FBXO25: variants seen among roughly 807,000 people sequenced by gnomAD.
FBXO25 encodes the protein F-box only protein 25.
A neutral mutation model predicts 51.9 loss-of-function variants in FBXO25; 45 were observed. The observed-to-expected ratio is 0.87, with a 90% CI of 0.68 to 1.11. The LOEUF is 1.11. FBXO25 is among the 50% of genes most tolerant of loss of function. The pLI is 0.00. For missense variants in FBXO25, 507 were observed against 428.5 expected, an observed-to-expected ratio of 1.18 and a Z score of -1.62; for synonymous variants, 199 against 151.0, an observed-to-expected ratio of 1.32 and a Z score of -2.33.
chr8:436,055 T>C (rs1359642061), intron 5 of FBXO25, among the ~76,000 whole-genome samples: 3 of 152,210 alleles, frequency 2.0e-5, no homozygotes, highest in African/African-American at 7.2e-5. Flanking sequence ...ACCTGATGAT[T>C]TCACAAATGT....
In FBXO25 at chr8:470,474, C is replaced by CAG. The variant is rs1800444502; in HGVS notation, c.*1670_*1671insAG. ...AGGCTCAAGTGATCCTCCCACCTCA[C>CAG]CCTCCAGTGATCCTCCCACCTCAGC... On this transcript the variant is annotated 3_prime_UTR_variant, in exon 10 of 10. Transcript: ENST00000350302. 8.2e-6 allele frequency: 1 copy of CAG among 121,838 alleles called. No individual in the cohort carries two copies. The highest frequency in any genetic ancestry group is 1.9e-5 in the Non-Finnish European group (1 of 53,124). The allele number at this position is 121,838 out of a possible 1,614,324, so 7.5% of individuals were successfully genotyped here. A position where few individuals can be genotyped will look rare whatever the true frequency, so the allele number is the denominator to read the frequency against.
chr8:412,320 T>G (rs1239754214), intron 1 of FBXO25, among the ~76,000 whole-genome samples: 2 of 152,190 alleles, frequency 1.3e-5, no homozygotes, highest in Non-Finnish European at 2.9e-5. Context: ...CTCCTCACGT[T>G]TCCAGACAGT....
chr8:451,420 G>A lies in FBXO25; in HGVS notation c.627G>A (p.Trp209Ter). The A allele has an allele frequency of 6.2e-7, 1 of 1,613,786 alleles. No individual in the cohort carries two copies. The highest frequency in any genetic ancestry group is 8.5e-7 in the Non-Finnish European group (1 of 1,179,912). The change falls in exon 7 of 10, where the codon TGG becomes TGA. Residue 209 changes from tryptophan (W) to a stop codon, truncating the protein, a stop_gained. Transcript: ENST00000350302. LOFTEE classifies it high-confidence loss of function. ...WICRLETILAWQQQLQDLQMT... is the reference protein window; with the variant it reads ...WICRLETILA The stretch of plus-strand genomic sequence containing the variant: ...GCCGATTAGAAACTATTCTCGCCTG[G>A]CAACAACAGCTACAGGATCTTCAGA...
intron 6 of FBXO25, among the ~76,000 whole-genome samples, chr8:450,346 C>T (rs1267044339): frequency 6.6e-6 from 1 of 151,730 alleles, no homozygotes; most frequent in Non-Finnish European, 1.5e-5. Flanking sequence ...AGCTATTTTA[C>T]TTTTTCATGG....
chr8:464,063 G>A (rs1799992483), intron 9 of FBXO25, among the ~76,000 whole-genome samples: 1 of 152,074 alleles, frequency 6.6e-6, no homozygotes, highest in Non-Finnish European at 1.5e-5. Context: ...CCGACTTCTG[G>A]GCTCAAGTGA....
intron 4 of FBXO25, 21 bp downstream of exon 4, chr8:432,956 A>G: frequency 1.3e-6 from 2 of 1,545,766 alleles, no homozygotes; most frequent in South Asian, 2.5e-5. Context: ...TATTATAAAT[A>G]TGAGAGTATC....
At chr8:443,606 T>C (rs934633781) in intron 5 of FBXO25, among the ~76,000 whole-genome samples, 3 of 150,890 alleles carry the variant, frequency 2.0e-5, no homozygotes, top group African/African-American at 7.4e-5. Context: ...TTGTGAGCTG[T>C]AGGAGGGGCG....
intron 2 of FBXO25, among the ~76,000 whole-genome samples, chr8:421,280 C>T (rs750000264): frequency 4.6e-5 from 7 of 152,218 alleles, no homozygotes; most frequent in Non-Finnish European, 7.3e-5. Flanking sequence ...CCCCCCTCCT[C>T]GCCCCAGTCT....
chr8:411,161 A>T (rs181119576), intron 1 of FBXO25, among the ~76,000 whole-genome samples: 35 of 152,340 alleles, frequency 2.3e-4, no homozygotes, highest in African/African-American at 7.2e-4. Context: ...TCTGTTCGGG[A>T]CGTGAAATTA....
chr8:467,587 T>C, intron 9 of FBXO25: 1 of 904,012 alleles, frequency 1.1e-6, no homozygotes, highest in Non-Finnish European at 1.7e-6. Context: ...CTGATGTTTT[T>C]AGTTATTTTC....
intron 2 of FBXO25, among the ~76,000 whole-genome samples, chr8:429,158 A>G (rs927596133): frequency 2.2e-4 from 34 of 152,186 alleles, no homozygotes; most frequent in Non-Finnish European, 1.5e-5. Flanking sequence ...ATTCCCACCA[A>G]CATTGCACGA....
intron 9 of FBXO25, chr8:468,151 T>G: frequency 3.9e-6 from 4 of 1,029,422 alleles, no homozygotes; most frequent in Non-Finnish European, 4.7e-6. Flanking sequence ...TCGTCACTTC[T>G]CATATTAAAT....
intron 5 of FBXO25, among the ~76,000 whole-genome samples, chr8:445,469 A>T (rs1458875373): frequency 6.6e-6 from 1 of 152,232 alleles, no homozygotes; most frequent in African/African-American, 2.4e-5. Context: ...TGAGGACCCC[A>T]AAGAGATTTT....
chr8:408,575 T>C (rs530257790), intron 1 of FBXO25, among the ~76,000 whole-genome samples: 82 of 152,236 alleles, frequency 5.4e-4, no homozygotes, highest in Non-Finnish European at 1.0e-3. Flanking sequence ...AGACAACATA[T>C]GTAGATTGTT....
At position 470,201 on chromosome 8, in the gene FBXO25, G is replaced by C. The variant is rs1249796736; in HGVS notation, c.*1397G>C. 6.6e-6 allele frequency: 1 copy of C among 152,114 alleles called. No homozygotes were observed. The highest frequency in any genetic ancestry group is 1.5e-5 in the Non-Finnish European group (1 of 68,036). 9.4% of individuals were successfully genotyped at this position (152,114 alleles called of 1,614,324 possible). A position where few individuals can be genotyped will look rare whatever the true frequency, so the allele number is the denominator to read the frequency against. On this transcript the variant is annotated 3_prime_UTR_variant, in exon 10 of 10. Coordinates refer to ENST00000350302, the MANE Select transcript of FBXO25 (RefSeq NM_183420.2). ...TTCATCACAACATATTGGGGTTCCT[G>C]AGTGTCTCGCCGTTAGCATCAATAA...
intron 8 of FBXO25, among the ~76,000 whole-genome samples, chr8:461,194 G>C (rs1293730606): frequency 6.6e-6 from 1 of 152,176 alleles, no homozygotes; most frequent in East Asian, 1.9e-4. Context: ...TGATGTTTTT[G>C]GTAACACCTT....
intron 5 of FBXO25, 55 bp downstream of exon 5, chr8:435,762 T>G: frequency 6.4e-7 from 1 of 1,556,732 alleles, no homozygotes; most frequent in East Asian, 2.3e-5. Flanking sequence ...AACTATATTT[T>G]GAAGATTGTA....
chr8:450,176 C>A, intron 6 of FBXO25, 93 bp downstream of exon 6: 1 of 777,458 alleles, frequency 1.3e-6, no homozygotes. Context: ...ACCCAGTACA[C>A]ATACTGTCAA....
intron 2 of FBXO25, among the ~76,000 whole-genome samples, chr8:425,194 C>G (rs1204457552): frequency 1.3e-5 from 2 of 152,054 alleles, no homozygotes; most frequent in African/African-American, 4.8e-5. Flanking sequence ...AACCACTTCC[C>G]AAACTCTTAT....
Sources: gnomAD v4.1 joint callset for allele counts (sites outside exome capture counted in the v4.1 genomes callset) on GRCh38, gnomAD v4.1.1 for gene constraint, MANE v1.5 for transcripts, NCBI Gene and HGNC (gene_info 2026-07-23, HGNC 2026-07-21) for gene names.